The following SPSB1 variants were observed in gnomAD, a reference collection of about 807,000 sequenced individuals.
SPSB1 encodes splA/ryanodine receptor domain and SOCS box containing 1.
Under a neutral mutation model 21.2 loss-of-function variants are expected in SPSB1, and 8 were observed. The observed-to-expected ratio is 0.38, with a 90% CI of 0.22 to 0.68. The LOEUF (loss-of-function observed/expected upper bound fraction) is 0.68, where lower values mean the gene tolerates loss of function less well. SPSB1 is among the 30% of genes least tolerant of loss of function. SPSB1 has a pLI of 0.53. For missense variants in SPSB1, 242 were observed against 377.8 expected (o/e 0.64, Z 2.98); for synonymous variants, 169 against 161.7 (o/e 1.05, Z -0.34).
chr1:9,308,843 C>T (rs551823471), intron 1 of SPSB1, among the ~76,000 whole-genome samples: 6 of 152,242 alleles, frequency 3.9e-5, no homozygotes, highest in African/African-American at 7.2e-5. Context: ...GACAGTGGAA[C>T]GTGCCAGTCC....
intron 1 of SPSB1, among the ~76,000 whole-genome samples, chr1:9,326,585 G>A (rs1267901659): frequency 6.6e-6 from 1 of 152,198 alleles, no homozygotes; most frequent in Non-Finnish European, 1.5e-5. Flanking sequence ...GACATGGGGT[G>A]TGAGTCTGAG....
intron 2 of SPSB1, among the ~76,000 whole-genome samples, chr1:9,364,666 G>A (rs571490769): frequency 1.4e-4 from 22 of 152,284 alleles, no homozygotes; most frequent in Admixed American, 9.1e-4. Context: ...ATCATCCTAA[G>A]CTGGCCACGA....
chr1:9,314,051 T>G (rs1269957344), intron 1 of SPSB1, among the ~76,000 whole-genome samples: 1 of 151,746 alleles, frequency 6.6e-6, no homozygotes, highest in Non-Finnish European at 1.5e-5. Context: ...CGGCGGGCAC[T>G]TGTTATCCCA....
chr1:9,327,786 G>A (rs558501947), intron 1 of SPSB1, among the ~76,000 whole-genome samples: 4 of 152,216 alleles, frequency 2.6e-5, no homozygotes, highest in Non-Finnish European at 5.9e-5. Flanking sequence ...CGACTCTGTA[G>A]CGTGAAAGCA....
rs1421696830 is a variant in SPSB1, at chr1:9,367,603, A to AG, written c.*29dup. Reference sequence around the variant, plus strand: ...TTCGCCATCATACCGCCAGCGCGACAGCCACCTGGTGCCAACTCACTGAGC... The same window carrying AG: ...TTCGCCATCATACCGCCAGCGCGACAGGCCACCTGGTGCCAACTCACTGAGC... On this transcript the variant is annotated 3_prime_UTR_variant, in exon 3 of 3. Transcript: ENST00000328089. The surrounding 1 kb of genome is among the most constrained non-coding windows in gnomAD (Gnocchi z 5.9). The AG allele has an allele frequency of 6.4e-7, 1 of 1,571,006 alleles. No individual in the cohort carries two copies. The highest frequency in any genetic ancestry group is 1.8e-5 in the Admixed American group (1 of 54,434).
chr1:9,352,362 G>T (rs1640274061), intron 1 of SPSB1, among the ~76,000 whole-genome samples: 2 of 152,196 alleles, frequency 1.3e-5, no homozygotes, highest in African/African-American at 4.8e-5. Flanking sequence ...GCCCCACAAG[G>T]CTGTGTCTTA....
intron 1 of SPSB1, among the ~76,000 whole-genome samples, chr1:9,297,793 G>C (rs747042234): frequency 8.5e-5 from 13 of 152,118 alleles, no homozygotes; most frequent in Non-Finnish European, 1.8e-4. Flanking sequence ...TAGAGTTAGG[G>C]ATTCAAAGGC....
At chr1:9,315,467 C>T (rs907556079) in intron 1 of SPSB1, among the ~76,000 whole-genome samples, 1 of 152,226 alleles carries the variant, frequency 6.6e-6, no homozygotes, top group Non-Finnish European at 1.5e-5. Context: ...CTGCTCTCCC[C>T]GTTTTACAGA....
chr1:9,293,182 G>C lies in SPSB1; in HGVS notation c.-150+111G>C, dbSNP rs1203524668. 10 of 963,904 alleles carry C rather than the reference G, an allele frequency of 1.0e-5. No homozygotes were observed. The East Asian group carries it at 1.2e-3, about 112-fold the overall frequency. The allele number at this position is 963,904 out of a possible 1,614,324, so 59.7% of individuals were successfully genotyped here. On this transcript the variant is annotated intron_variant, in intron 1 of 2. Transcript: ENST00000328089. This position sits in a 1 kb window ranked among gnomAD's most constrained non-coding sequence, Gnocchi z 5.1. Reference sequence around the variant, plus strand: ...GCGGGGATCGCGCCGCTGGGGGACCGAGTGGGTGGCGCGGGGCCGGGCGCG... The same window carrying C: ...GCGGGGATCGCGCCGCTGGGGGACCCAGTGGGTGGCGCGGGGCCGGGCGCG...
intron 1 of SPSB1, among the ~76,000 whole-genome samples, chr1:9,322,837 G>C (rs571173395): frequency 6.6e-6 from 1 of 151,970 alleles, no homozygotes; most frequent in Non-Finnish European, 1.5e-5. Flanking sequence ...GAAGCGCTGC[G>C]TTAGGTCACC....
intron 1 of SPSB1, among the ~76,000 whole-genome samples, chr1:9,298,409 AATG>A (rs1366726233): frequency 3.6e-5 from 4 of 112,322 alleles, no homozygotes; most frequent in African/African-American, 1.9e-4. Context: ...TGAGTGAACG[AATG>A]AATGAATAAG....
At position 9,348,952 on chromosome 1, in the gene SPSB1, T is replaced by C. The variant is rs970874200; in HGVS notation, c.-149-6791T>C. Among the ~76,000 whole-genome samples, 2 of 151,482 alleles carry C rather than the reference T, an allele frequency of 1.3e-5. No homozygotes were observed. The highest frequency in any genetic ancestry group is 4.9e-5 in the African/African-American group (2 of 41,138). On this transcript the variant is annotated intron_variant, in intron 1 of 2. Coordinates refer to ENST00000328089, the MANE Select transcript of SPSB1 (RefSeq NM_025106.4). The surrounding 1 kb of genome is among the most constrained non-coding windows in gnomAD (Gnocchi z 4.8). Reference sequence around the variant, plus strand: ...TCGTGCAAGAATGTGTGTGTGTGTGTGTGTGTGTGTGTATATGTGCGTGTG... The same window carrying C: ...TCGTGCAAGAATGTGTGTGTGTGTGCGTGTGTGTGTGTATATGTGCGTGTG...
chr1:9,318,629 G>A (rs374191404), intron 1 of SPSB1, among the ~76,000 whole-genome samples: 33 of 152,322 alleles, frequency 2.2e-4, no homozygotes, highest in African/African-American at 7.5e-4. Context: ...TTGCGGAATC[G>A]TGCAGGATTG....
chr1:9,367,355 T>C lies in SPSB1; in HGVS notation c.695-93T>C, dbSNP rs1640591171. On this transcript the variant is annotated intron_variant, in intron 2 of 2. Transcript: ENST00000328089. The surrounding 1 kb of genome is among the most constrained non-coding windows in gnomAD (Gnocchi z 5.9). ...TTGTTTCTTTACTGATTTGAGTGAATACTAATCAGTGATAATATTGCTGCT... is the reference window on the plus strand; with the variant it reads ...TTGTTTCTTTACTGATTTGAGTGAACACTAATCAGTGATAATATTGCTGCT... 1 of 1,573,998 alleles carries C rather than the reference T, an allele frequency of 6.4e-7. No homozygotes were observed. Among genetic ancestry groups the C allele is most frequent in the South Asian group, 1.1e-5 (1 of 89,900 alleles).
intron 1 of SPSB1, among the ~76,000 whole-genome samples, chr1:9,347,620 C>T (rs958536542): frequency 6.6e-6 from 1 of 152,200 alleles, no homozygotes; most frequent in Non-Finnish European, 1.5e-5. Context: ...TTTACAAATG[C>T]GACAGCATCG....
intron 1 of SPSB1, among the ~76,000 whole-genome samples, chr1:9,296,425 C>T (rs1365779543): frequency 6.6e-6 from 1 of 152,220 alleles, no homozygotes; most frequent in Non-Finnish European, 1.5e-5. Flanking sequence ...GAAGCATGGG[C>T]TCATTTTTTT....
At chr1:9,347,943 CTTTT>C (rs57731582) in intron 1 of SPSB1, among the ~76,000 whole-genome samples, 2 of 132,420 alleles carry the variant, frequency 1.5e-5, no homozygotes, top group Non-Finnish European at 3.2e-5. Flanking sequence ...TTCCCTGCAA[CTTTT>C]TTTTTTTTTT....
At chr1:9,309,317 TGTGTGTGTGTGTGTGTGA>T (rs1169034533) in intron 1 of SPSB1, among the ~76,000 whole-genome samples, 103 of 150,924 alleles carry the variant, frequency 6.8e-4, no homozygotes, top group African/African-American at 2.4e-3. Context: ...TGTGTGTGTG[TGTGTGTGTGTGTGTGTGA>T]GTGACAGATT....
Position 9,293,211 on chromosome 1 carries a change from G to A in SPSB1, c.-150+140G>A, listed in dbSNP as rs564968688. On this transcript the variant is annotated intron_variant, in intron 1 of 2. Coordinates refer to ENST00000328089, the MANE Select transcript of SPSB1 (RefSeq NM_025106.4). The surrounding 1 kb of genome is among the most constrained non-coding windows in gnomAD (Gnocchi z 5.1). ...GGGTGGCGCGGGGCCGGGCGCGGGG[G>A]AGCGGGTGGAGTACGGGATGGGGAC... 1.1e-6 allele frequency: 1 copy of A among 938,488 alleles called. No individual in the cohort carries two copies. The highest frequency in any genetic ancestry group is 4.8e-5 in the South Asian group (1 of 20,858). 58.1% of individuals were successfully genotyped at this position (938,488 alleles called of 1,614,324 possible).
Sources: gnomAD v4.1 joint callset for allele counts (sites outside exome capture counted in the v4.1 genomes callset) on GRCh38, gnomAD v4.1.1 for gene constraint, Gnocchi (gnomAD v3.1) non-coding constraint, MANE v1.5 for transcripts, NCBI Gene and HGNC (gene_info 2026-07-23, HGNC 2026-07-21) for gene names.